Variants in ZNF587 observed in about 807,000 individuals in gnomAD.
ZNF587 encodes zinc finger protein 587, also known as zinc finger protein zfp6.
A neutral mutation model predicts 7.5 loss-of-function variants in ZNF587; 8 were observed. The ratio of observed to expected loss-of-function variants is 1.06; its 90% confidence interval spans 0.62 to 1.92. The LOEUF (loss-of-function observed/expected upper bound fraction) is 1.92, where lower values mean the gene tolerates loss of function less well. Ranked by LOEUF, ZNF587 falls within the 40% of genes most tolerant of loss-of-function variation. ZNF587 has a pLI of 0.00. For missense variants in ZNF587, 468 were observed against 692.8 expected (o/e 0.68, Z 3.64); for synonymous variants, 145 against 237.8 (o/e 0.61, Z 3.59).
At chr19:57,858,437 T>G in intron 2 of ZNF587, 139 bp from the exon 3 acceptor site, 2 of 1,461,096 alleles carry the variant, frequency 1.4e-6, no homozygotes, top group Non-Finnish European at 1.8e-6. Flanking sequence ...AGCAGCCCCA[T>G]CTTCAACTTG....
chr19:57,855,220 C>A (rs2071336708), intron 1 of ZNF587, among the ~76,000 whole-genome samples: 1 of 151,830 alleles, frequency 6.6e-6, no homozygotes, highest in Non-Finnish European at 1.5e-5. Context: ...TGGTACATGG[C>A]TGTAATCCCA....
chr19:57,853,533 C>G (rs73937051), intron 1 of ZNF587, among the ~76,000 whole-genome samples: 1,781 of 152,232 alleles, frequency 0.012, 18 homozygotes, highest in African/African-American at 0.033. Context: ...AGGCTGAGGA[C>G]TGGATCTCTT....
In ZNF587 at chr19:57,859,949, G is replaced by C; in HGVS notation, c.1537G>C (p.Val513Leu). The change falls in exon 3 of 3, where the codon GTT becomes CTT. Residue 513 changes from valine (V) to leucine (L), a missense_variant. Val to Leu is a conservative substitution (Grantham distance 32). Coordinates refer to ENST00000339656, the MANE Select transcript of ZNF587 (RefSeq NM_032828.4). ...CTCTGCGCTTCATGTTCATAAAAGA[G>C]TTCATTCTGGACAAAAGCCTTATAA... ...SSSALHVHKR[V>L]HSGQKPYKCS... 1 of 1,613,994 alleles carries C rather than the reference G, an allele frequency of 6.2e-7. No individual in the cohort carries two copies. The highest frequency in any genetic ancestry group is 8.5e-7 in the Non-Finnish European group (1 of 1,179,996).
intron 2 of ZNF587, among the ~76,000 whole-genome samples, chr19:57,857,534 C>T (rs969098118): frequency 2.0e-5 from 3 of 151,898 alleles, no homozygotes; most frequent in African/African-American, 7.3e-5. Flanking sequence ...TCTATGACCA[C>T]CCCTGCTGTG....
intron 1 of ZNF587, chr19:57,851,595 G>T: frequency 6.5e-6 from 1 of 153,652 alleles, no homozygotes. Context: ...CCTGCAGATG[G>T]ACAGAGCTGG....
In ZNF587 at chr19:57,860,039, A is replaced by G. The variant is rs777025080; in HGVS notation, c.1627A>G (p.Thr543Ala). The G allele has an allele frequency of 1.2e-6, 2 of 1,614,092 alleles. No individual in the cohort carries two copies. The highest frequency in any genetic ancestry group is 8.5e-7 in the Non-Finnish European group (1 of 1,180,040). ...TCTCATTAAACACAGGAGAATTCAC[A>G]CTGGAGAAAGGCCTTATGAATGCAC... is the stretch of plus-strand genomic sequence containing the variant. ...SSLIKHRRIH[T>A]GERPYECTKC... is the part of the protein sequence containing the mutation. Residue 543 changes from threonine to alanine, a missense_variant, in exon 3 of 3, where the codon ACT (threonine) becomes GCT (alanine). By Grantham distance (58) the Thr-to-Ala change is moderately conservative. This residue lies in a region of ZNF587 where 310 missense variants were observed against 325.6 expected (regional missense o/e 0.95). Coordinates refer to ENST00000339656, the MANE Select transcript of ZNF587 (RefSeq NM_032828.4).
rs2071427740 is a variant in ZNF587, at chr19:57,861,161, GC to G, written c.*1022del. On this transcript the variant is annotated 3_prime_UTR_variant, in exon 3 of 3. Coordinates refer to ENST00000339656, the MANE Select transcript of ZNF587 (RefSeq NM_032828.4). The stretch of plus-strand genomic sequence containing the variant: ...CTTGGCCTAATGTACAACTTTTTAA[GC>G]AATGCCAAACTATGACTTAAGAATG... 1 of 152,112 alleles carries G rather than the reference GC, an allele frequency of 6.6e-6. No individual in the cohort carries two copies. Among genetic ancestry groups the G allele is most frequent in the South Asian group, 2.1e-4 (1 of 4,828 alleles). The allele number at this position is 152,112 out of a possible 1,614,324, so 9.4% of individuals were successfully genotyped here. A position where few individuals can be genotyped will look rare whatever the true frequency, so the allele number is the denominator to read the frequency against.
At position 57,857,285 on chromosome 19, in the gene ZNF587, A is replaced by C. The variant is rs954904607; in HGVS notation, c.163+1052A>C. 6.6e-5 allele frequency: 10 copies of C among 152,094 alleles called. 1 individual carries two copies. The highest frequency in any genetic ancestry group is 2.4e-4 in the African/African-American group (10 of 41,258). The allele number at this position is 152,094 out of a possible 1,614,324, so 9.4% of individuals were successfully genotyped here. ...TACCAGAAACCATTTACATTTGCCA[A>C]GTATTTTTGGGGCAATATGAGTAGG... On this transcript the variant is annotated intron_variant, in intron 2 of 2. Coordinates refer to ENST00000339656, the MANE Select transcript of ZNF587 (RefSeq NM_032828.4).
intron 2 of ZNF587, chr19:57,856,951 ACATAGAC>A (rs964959593): frequency 1.2e-4 from 18 of 151,756 alleles, no homozygotes; most frequent in African/African-American, 1.7e-4. Flanking sequence ...GTCACTACCT[ACATAGAC>A]CATAGACCAT....
chr19:57,857,945 C>T (rs1206111169), intron 2 of ZNF587, among the ~76,000 whole-genome samples: 1 of 150,226 alleles, frequency 6.7e-6, no homozygotes, highest in Non-Finnish European at 1.5e-5. Context: ...CCATATTCTT[C>T]TATATAGCAC....
intron 1 of ZNF587, chr19:57,850,408 G>A: frequency 3.5e-6 from 2 of 573,108 alleles, no homozygotes; most frequent in African/African-American, 1.9e-5. Flanking sequence ...AGGGGCTTGG[G>A]AAGTGGGGAG....
chr19:57,850,294 G>C (rs1385696386), intron 1 of ZNF587: 9 of 707,498 alleles, frequency 1.3e-5, no homozygotes, highest in Non-Finnish European at 1.9e-5. Context: ...TGGAGAAATA[G>C]TAATTCACGC....
At chr19:57,850,539 C>A (rs775107509) in intron 1 of ZNF587, 5 of 450,838 alleles carry the variant, frequency 1.1e-5, no homozygotes, top group East Asian at 6.7e-5. Flanking sequence ...GTGTGTTGTC[C>A]GCTGATCCAT....
Position 57,863,961 on chromosome 19 carries a change from T to G in ZNF587, c.*3821T>G, listed in dbSNP as rs1475119923. The G allele has an allele frequency of 6.7e-6, 1 of 149,038 alleles. No individual in the cohort carries two copies. The highest frequency in any genetic ancestry group is 1.5e-5 in the Non-Finnish European group (1 of 67,566). 9.2% of individuals were successfully genotyped at this position (149,038 alleles called of 1,614,324 possible). ...GGGAGGCTGAGGCCAGAAAATCGGT[T>G]GAACCTGGGAGGTGGAAGGTGCACT... On this transcript the variant is annotated 3_prime_UTR_variant, in exon 3 of 3. Transcript: ENST00000339656.
intron 1 of ZNF587, among the ~76,000 whole-genome samples, chr19:57,853,008 A>G (rs1006413340): frequency 6.6e-6 from 1 of 150,838 alleles, no homozygotes; most frequent in Non-Finnish European, 1.5e-5. Context: ...ATGTACCACC[A>G]CACTCGGCTA....
intron 1 of ZNF587, chr19:57,852,287 G>C (rs1417204348): frequency 2.5e-6 from 1 of 398,442 alleles, no homozygotes; most frequent in African/African-American, 2.1e-5. Flanking sequence ...TTGCTACCAG[G>C]TTGTGAAATG....
At chr19:57,853,296 T>C (rs2071306720) in intron 1 of ZNF587, among the ~76,000 whole-genome samples, 1 of 152,226 alleles carries the variant, frequency 6.6e-6, no homozygotes, top group Admixed American at 6.5e-5. Context: ...TCACTGTGGA[T>C]ATCCAGAGGG....
At chr19:57,853,613 G>C (rs1004858921) in intron 1 of ZNF587, among the ~76,000 whole-genome samples, 1 of 152,096 alleles carries the variant, frequency 6.6e-6, no homozygotes, top group African/African-American at 2.4e-5. Context: ...CATCATAACA[G>C]GACATTTAAT....
chr19:57,855,718 T>C (rs1253835346), intron 1 of ZNF587, among the ~76,000 whole-genome samples: 1 of 151,906 alleles, frequency 6.6e-6, no homozygotes, highest in Admixed American at 6.6e-5. Context: ...CCCACCACCA[T>C]GCCCGGCTAA....
Sources: allele counts gnomAD v4.1 joint callset (sites outside exome capture counted in the v4.1 genomes callset), GRCh38; gene constraint gnomAD v4.1.1; regional missense constraint gnomAD v4.1.1; transcripts MANE v1.5; gene names NCBI Gene and HGNC (gene_info 2026-07-23, HGNC 2026-07-21).